The following AGMO variants were observed in gnomAD, a reference collection of about 807,000 sequenced individuals.
The protein encoded by AGMO is alkylglycerol monooxygenase.
In AGMO, 75 loss-of-function variants were observed where a neutral mutation model predicts 60.2. That is an observed-to-expected ratio of 1.25 (90% confidence interval 1.03 to 1.51). The LOEUF is 1.51. Ranked by LOEUF, AGMO falls within the 40% of genes most tolerant of loss-of-function variation. The probability of loss-of-function intolerance (pLI) is 0.00; values close to 1 mark genes in which losing one functional copy is unlikely to be tolerated. For missense variants in AGMO, 763 were observed against 525.5 expected, an observed-to-expected ratio of 1.45 and a Z score of -4.42; for synonymous variants, 261 against 177.1, an observed-to-expected ratio of 1.47 and a Z score of -3.76.
At chr7:15,278,094 G>C (rs193107597) in intron 12 of AGMO, among the ~76,000 whole-genome samples, 26 of 152,272 alleles carry the variant, frequency 1.7e-4, no homozygotes, top group Non-Finnish European at 3.1e-4. Context: ...CCAGGCCACA[G>C]TGTAACTGAA....
At chr7:15,385,779 T>C (rs1056364509) in intron 9 of AGMO, among the ~76,000 whole-genome samples, 2 of 152,208 alleles carry the variant, frequency 1.3e-5, no homozygotes, top group Admixed American at 6.5e-5. Flanking sequence ...GCATAAGAAC[T>C]AATTCAACAA....
Position 15,394,175 on chromosome 7 carries a change from A to G in AGMO, c.614T>C (p.Ile205Thr), listed in dbSNP as rs771850109. 2 of 1,604,362 alleles carry G rather than the reference A, an allele frequency of 1.2e-6. No homozygotes were observed. Among genetic ancestry groups the G allele is most frequent in the Admixed American group, 1.7e-5 (1 of 59,956 alleles). Residue 205 changes from isoleucine (I) to threonine (T), a missense_variant, in exon 6 of 13, where the codon ATC (isoleucine) becomes ACC (threonine). Physicochemically the swap from Ile to Thr is moderately conservative, Grantham distance 89. Coordinates refer to ENST00000342526, the MANE Select transcript of AGMO (RefSeq NM_001004320.2). ...LYQFWIHTEVINNLGPLELIL... is the reference protein window; with the variant it reads ...LYQFWIHTEVTNNLGPLELIL... ...CAGTTCCAAAGGACCAAGGTTATTG[A>G]TGACCTGTTTAAAACAGAAGGAATA...
chr7:15,290,032 AT>A (rs34390987), intron 12 of AGMO, among the ~76,000 whole-genome samples: 58,521 of 116,016 alleles, frequency 0.5, 13,859 homozygotes, highest in Admixed American at 0.68. Context: ...CCTTAAGTTG[AT>A]TTTTTTTTTT....
intron 12 of AGMO, among the ~76,000 whole-genome samples, chr7:15,258,010 G>C (rs1251644478): frequency 2.6e-5 from 4 of 152,072 alleles, no homozygotes; most frequent in Non-Finnish European, 5.9e-5. Context: ...TGAAAACTCA[G>C]AATAATAAAC....
At chr7:15,163,469 G>C in the AGMO span, among the ~76,000 whole-genome samples, 37 of 152,096 alleles carry the variant, frequency 2.4e-4, no homozygotes, top group African/African-American at 8.4e-4. Flanking sequence ...GTCATATATG[G>C]CTTTTATTAT....
intron 3 of AGMO, among the ~76,000 whole-genome samples, chr7:15,478,603 G>A (rs1033007523): frequency 2.6e-5 from 4 of 152,068 alleles, no homozygotes; most frequent in Non-Finnish European, 5.9e-5. Context: ...TCAATGGGGT[G>A]CAAAATCCTG....
intron 12 of AGMO, among the ~76,000 whole-genome samples, chr7:15,211,301 A>C (rs1458298137): frequency 1.3e-5 from 2 of 152,050 alleles, no homozygotes; most frequent in Non-Finnish European, 2.9e-5. Flanking sequence ...TCAAATTAAA[A>C]GTGAAAACAA....
intron 2 of AGMO, among the ~76,000 whole-genome samples, chr7:15,548,522 G>A (rs184446533): frequency 0.035 from 5,329 of 152,162 alleles, 285 homozygotes; most frequent in African/African-American, 0.12. Flanking sequence ...GAAGAATGCA[G>A]AAGGCTCAGG....
At chr7:15,557,296 G>A (rs562358174) in intron 2 of AGMO, among the ~76,000 whole-genome samples, 1 of 152,004 alleles carries the variant, frequency 6.6e-6, no homozygotes, top group Non-Finnish European at 1.5e-5. Context: ...CTTCACAAAC[G>A]AATTAGCAAA....
rs193277617 is a variant in AGMO, at chr7:15,511,053, A to G, written c.409+33719T>C. Among the ~76,000 whole-genome samples, 363 of 152,232 alleles carry G rather than the reference A, an allele frequency of 2.4e-3. 2 individuals carry two copies. Among genetic ancestry groups the G allele is most frequent in the African/African-American group, 8.4e-3 (349 of 41,554 alleles). ...TTAAACATTGACATAAATGTGAACTATACATACATTTAAGAAAGACTAATA... is the reference window on the plus strand; with the variant it reads ...TTAAACATTGACATAAATGTGAACTGTACATACATTTAAGAAAGACTAATA... On this transcript the variant is annotated intron_variant, in intron 3 of 12. Transcript: ENST00000342526.
At chr7:15,380,166 A>T (rs1783617398) in intron 10 of AGMO, among the ~76,000 whole-genome samples, 2 of 152,138 alleles carry the variant, frequency 1.3e-5, no homozygotes. Flanking sequence ...TGGGCAGGGC[A>T]TTCAGGCAAG....
intron 12 of AGMO, among the ~76,000 whole-genome samples, chr7:15,271,121 C>T (rs1783598665): frequency 6.6e-6 from 1 of 152,006 alleles, no homozygotes; most frequent in Non-Finnish European, 1.5e-5. Flanking sequence ...CAGATTTGTT[C>T]TTTTTGTTTA....
At chr7:15,373,256 C>A (rs539144828) in intron 10 of AGMO, among the ~76,000 whole-genome samples, 7 of 150,500 alleles carry the variant, frequency 4.7e-5, no homozygotes, top group Non-Finnish European at 1.5e-5. Context: ...CCAGCCTGGA[C>A]AACAGAGTGA....
At chr7:15,158,945 T>C in the AGMO span, among the ~76,000 whole-genome samples, 1 of 152,164 alleles carries the variant, frequency 6.6e-6, no homozygotes, top group Non-Finnish European at 1.5e-5. Context: ...CAGAATTGGA[T>C]TCCATGTTGC....
At chr7:15,372,512 T>C (rs182386010) in intron 10 of AGMO, among the ~76,000 whole-genome samples, 34 of 152,296 alleles carry the variant, frequency 2.2e-4, no homozygotes, top group African/African-American at 7.5e-4. Context: ...ATATTGAATA[T>C]GTGCTGGGCA....
intron 12 of AGMO, among the ~76,000 whole-genome samples, chr7:15,342,882 C>A (rs1340116673): frequency 6.7e-6 from 1 of 149,178 alleles, no homozygotes; most frequent in African/African-American, 2.5e-5. Context: ...GCCTCAATAT[C>A]CTCATTTGAG....
At chr7:15,157,205 C>T in the AGMO span, among the ~76,000 whole-genome samples, 2 of 152,132 alleles carry the variant, frequency 1.3e-5, no homozygotes, top group Non-Finnish European at 2.9e-5. Context: ...TCACAGCAAT[C>T]CTTTGAAGCA....
chr7:15,365,437 GA>G lies in AGMO; in HGVS notation c.1263+76del, dbSNP rs1181912458. 4 of 761,888 alleles carry G rather than the reference GA, an allele frequency of 5.3e-6. No homozygotes were observed. The African/African-American group carries it at 8.4e-5, about 16-fold the overall frequency. 47.2% of individuals were successfully genotyped at this position (761,888 alleles called of 1,614,324 possible). Reference sequence around the variant, plus strand: ...ATGTACTGGTCAGAAATGAAGTAGAGAAAACATCCTTGAATGAATAAATTAA... The same window carrying G: ...ATGTACTGGTCAGAAATGAAGTAGAGAAACATCCTTGAATGAATAAATTAA... On this transcript the variant is annotated intron_variant, in intron 12 of 12. Transcript: ENST00000342526.
chr7:15,128,033 C>T, the AGMO span, among the ~76,000 whole-genome samples: 3 of 152,002 alleles, frequency 2.0e-5, no homozygotes, highest in Admixed American at 1.3e-4. Context: ...TTTGGATATA[C>T]AACCACAAGG....
Sources: gnomAD v4.1 joint callset for allele counts (sites outside exome capture counted in the v4.1 genomes callset) on GRCh38, gnomAD v4.1.1 for gene constraint, MANE v1.5 for transcripts, NCBI Gene and HGNC (gene_info 2026-07-23, HGNC 2026-07-21) for gene names.